Variants in AMD1 observed in about 807,000 individuals in gnomAD.
The protein encoded by AMD1 is adenosylmethionine decarboxylase 1, also known as S-adenosylmethionine decarboxylase proenzyme.
AMD1 carries 11 observed loss-of-function variants against 40.2 expected under a neutral mutation model. That is an observed-to-expected ratio of 0.27 (90% confidence interval 0.17 to 0.45). The LOEUF is 0.45. AMD1 is among the 20% of genes least tolerant of loss of function. AMD1 has a pLI of 1.00. For missense variants in AMD1, 257 were observed against 410.2 expected (o/e 0.63, Z 3.23); for synonymous variants, 121 against 130.8 (o/e 0.93, Z 0.51).
chr6:110,828,727 C>T, the AMD1 span, among the ~76,000 whole-genome samples: 1 of 152,068 alleles, frequency 6.6e-6, no homozygotes, highest in Admixed American at 6.6e-5. Context: ...TTTCTCTTAC[C>T]ACAGTCTAAT....
the AMD1 span, chr6:110,859,066 C>A: frequency 7.9e-7 from 1 of 1,268,114 alleles, no homozygotes; most frequent in Non-Finnish European, 1.1e-6. Context: ...GGCACAGTGG[C>A]CGACAGGGCT....
chr6:110,883,477 GAAATC>G (rs1473705225), intron 1 of AMD1, among the ~76,000 whole-genome samples: 8 of 152,208 alleles, frequency 5.3e-5, no homozygotes, highest in Admixed American at 4.6e-4. Context: ...CAGAGTGGAA[GAAATC>G]TCTTTTTTGC....
the AMD1 span, among the ~76,000 whole-genome samples, chr6:110,857,320 G>A: frequency 6.6e-6 from 1 of 151,982 alleles, no homozygotes; most frequent in African/African-American, 2.4e-5. Context: ...ATCACCTGAG[G>A]TTGGGAGTTC....
At chr6:110,835,365 G>T in the AMD1 span, among the ~76,000 whole-genome samples, 8 of 152,092 alleles carry the variant, frequency 5.3e-5, no homozygotes, top group African/African-American at 1.9e-4. Flanking sequence ...CAAGTGCTGT[G>T]TTTCCCAAAA....
At chr6:110,829,609 C>T in the AMD1 span, among the ~76,000 whole-genome samples, 5 of 151,962 alleles carry the variant, frequency 3.3e-5, no homozygotes, top group African/African-American at 1.2e-4. Context: ...GCAGAGCTTG[C>T]AGTGAGCTGA....
chr6:110,876,343 C>T (rs1407580152), intron 1 of AMD1, among the ~76,000 whole-genome samples: 1 of 152,236 alleles, frequency 6.6e-6, no homozygotes, highest in Non-Finnish European at 1.5e-5. Context: ...AGCGGAGTAA[C>T]TGGCGTGGCC....
chr6:110,887,238 A>G (rs1365156699), intron 1 of AMD1, among the ~76,000 whole-genome samples: 2 of 152,274 alleles, frequency 1.3e-5, no homozygotes, highest in East Asian at 3.9e-4. Flanking sequence ...ACCTTGGTTT[A>G]TGGACCTTTG....
the AMD1 span, among the ~76,000 whole-genome samples, chr6:110,840,111 T>G: frequency 6.7e-6 from 1 of 148,478 alleles, no homozygotes; most frequent in Admixed American, 6.9e-5. Context: ...CTCCACCTCC[T>G]GGGTTCAAGT....
the AMD1 span, among the ~76,000 whole-genome samples, chr6:110,854,561 G>C: frequency 6.6e-6 from 1 of 151,746 alleles, no homozygotes; most frequent in East Asian, 1.9e-4. Context: ...CGATTCTCCT[G>C]CCTCAGCCTC....
chr6:110,814,967 C>T, the AMD1 span: 6 of 1,596,424 alleles, frequency 3.8e-6, no homozygotes, highest in Admixed American at 1.0e-4. Context: ...GCGGGCAGGG[C>T]GAGGACCCGA....
In AMD1 at chr6:110,875,031, G is replaced by GGCGGCA; in HGVS notation, c.-69_-64dup. 1 of 1,147,522 alleles carries GGCGGCA rather than the reference G, an allele frequency of 8.7e-7. No individual in the cohort carries two copies. The highest frequency in any genetic ancestry group is 1.3e-6 in the Non-Finnish European group (1 of 783,048). 71.1% of individuals were successfully genotyped at this position (1,147,522 alleles called of 1,614,324 possible). A position where few individuals can be genotyped will look rare whatever the true frequency, so the allele number is the denominator to read the frequency against. ...CACAGCTGGAACAATCCGCAGCGGCGGCGGCAGCGGCGGGAGAAGAGGTTT... is the reference window on the plus strand; with the variant it reads ...CACAGCTGGAACAATCCGCAGCGGCGGCGGCAGCGGCAGCGGCGGGAGAAGAGGTTT... On this transcript the variant is annotated 5_prime_UTR_variant, in exon 1 of 9. Coordinates refer to ENST00000368885, the MANE Select transcript of AMD1 (RefSeq NM_001634.6).
the AMD1 span, among the ~76,000 whole-genome samples, chr6:110,824,447 A>C: frequency 6.6e-6 from 1 of 152,202 alleles, no homozygotes; most frequent in African/African-American, 2.4e-5. Context: ...GGATTAAGAG[A>C]TAAAAAATGA....
the AMD1 span, chr6:110,815,843 G>C: frequency 1.3e-5 from 2 of 152,434 alleles, no homozygotes; most frequent in Non-Finnish European, 2.9e-5. Flanking sequence ...CTCGGGAGGC[G>C]AGGGCTGGTG....
chr6:110,867,398 C>G, the AMD1 span, among the ~76,000 whole-genome samples: 1 of 152,040 alleles, frequency 6.6e-6, no homozygotes, highest in Non-Finnish European at 1.5e-5. Flanking sequence ...GGTGTGGTGG[C>G]TCACACCTGT....
chr6:110,831,491 C>CACT, the AMD1 span, among the ~76,000 whole-genome samples: 3 of 152,032 alleles, frequency 2.0e-5, no homozygotes, highest in African/African-American at 7.2e-5. Context: ...CACAGGGTCT[C>CACT]ACTATGTTGC....
the AMD1 span, among the ~76,000 whole-genome samples, chr6:110,868,176 C>G: frequency 3.3e-5 from 5 of 151,674 alleles, no homozygotes; most frequent in African/African-American, 1.2e-4. Context: ...GAGACAGAGT[C>G]TCACCCTGTC....
chr6:110,832,991 T>C, the AMD1 span, among the ~76,000 whole-genome samples: 1 of 152,156 alleles, frequency 6.6e-6, no homozygotes, highest in Non-Finnish European at 1.5e-5. Context: ...TGGCCAATTT[T>C]TGTATTTTCA....
the AMD1 span, among the ~76,000 whole-genome samples, chr6:110,841,052 T>G: frequency 6.6e-6 from 1 of 152,180 alleles, no homozygotes; most frequent in Non-Finnish European, 1.5e-5. Context: ...TCACTCTTAT[T>G]GCCCAGGCTG....
At chr6:110,884,677 T>G (rs183075010) in intron 1 of AMD1, among the ~76,000 whole-genome samples, 81 of 152,154 alleles carry the variant, frequency 5.3e-4, no homozygotes, top group Non-Finnish European at 7.5e-4. Flanking sequence ...TGATCCTTCC[T>G]TCTTGGCCTC....
Sources: allele counts gnomAD v4.1 joint callset (sites outside exome capture counted in the v4.1 genomes callset), GRCh38; gene constraint gnomAD v4.1.1; transcripts MANE v1.5; gene names NCBI Gene and HGNC (gene_info 2026-07-23, HGNC 2026-07-21).